The following DCAF1 variants were observed in gnomAD, a reference collection of about 807,000 sequenced individuals.
DCAF1 encodes DDB1 and CUL4 associated factor 1.
Under a neutral mutation model 128.0 loss-of-function variants are expected in DCAF1, and 15 were observed. The observed-to-expected ratio is 0.12, with a 90% CI of 0.08 to 0.18. DCAF1 has a LOEUF of 0.18. Ranked by LOEUF, DCAF1 falls within the 10% of genes least tolerant of loss-of-function variation. The pLI is 1.00. For synonymous variants in DCAF1, 610 were observed against 603.0 expected, an observed-to-expected ratio of 1.01 and a Z score of -0.17; for missense variants, 988 against 1,649.5, an observed-to-expected ratio of 0.60 and a Z score of 6.95.
At chr3:51,504,116 C>A (rs1553664878), upstream of DCAF1, among the ~76,000 whole-genome samples, 1 of 151,370 alleles carries the variant, frequency 6.6e-6, no homozygotes, top group African/African-American at 2.4e-5. Flanking sequence ...CAGCTCACCG[C>A]AAGCTCCGCC....
intron 6 of DCAF1, among the ~76,000 whole-genome samples, chr3:51,445,365 G>GT (rs1328085333): frequency 6.6e-6 from 1 of 152,136 alleles, no homozygotes; most frequent in Non-Finnish European, 1.5e-5. Context: ...TACTCAACAT[G>GT]TTTTTTAGAT....
At position 51,438,510 on chromosome 3, in the gene DCAF1, G is replaced by C. The variant is rs189984676; in HGVS notation, c.1128+2460C>G. 2.2e-4 allele frequency among the ~76,000 whole-genome samples: 33 copies of C among 152,270 alleles called. 1 individual carries two copies. Among genetic ancestry groups the C allele is most frequent in the African/African-American group, 7.0e-4 (29 of 41,558 alleles). On this transcript the variant is annotated intron_variant, in intron 9 of 24. Coordinates refer to ENST00000684031, the MANE Select transcript of DCAF1 (RefSeq NM_001387579.1). ...AAGTGAAGTTGAATTGTAAAGTCTA[G>C]CTAACAATTATTTTCAAAGCAACTG...
At chr3:51,444,913 G>A (rs1298171972) in intron 6 of DCAF1, among the ~76,000 whole-genome samples, 1 of 151,696 alleles carries the variant, frequency 6.6e-6, no homozygotes. Context: ...CTGACCTCGT[G>A]ATCCGCCCCC....
chr3:51,457,562 A>C (rs1164201079), intron 6 of DCAF1, among the ~76,000 whole-genome samples: 2 of 152,184 alleles, frequency 1.3e-5, no homozygotes, highest in Non-Finnish European at 2.9e-5. Context: ...AATACACAGA[A>C]CACCACAAAG....
At chr3:51,469,555 G>A (rs1174619234) in intron 4 of DCAF1, among the ~76,000 whole-genome samples, 2 of 151,780 alleles carry the variant, frequency 1.3e-5, no homozygotes, top group Non-Finnish European at 2.9e-5. Flanking sequence ...TCTCCACAAA[G>A]GACTGCTTCA....
intron 3 of DCAF1, among the ~76,000 whole-genome samples, chr3:51,480,104 TAAAAA>T (rs782106577): frequency 2.1e-5 from 2 of 93,164 alleles, no homozygotes; most frequent in Non-Finnish European, 4.5e-5. Flanking sequence ...ACCCTGTCAC[TAAAAA>T]AAAAAAAAAA....
chr3:51,443,511 A>AC (rs1456683273), intron 7 of DCAF1, among the ~76,000 whole-genome samples: 1 of 150,384 alleles, frequency 6.6e-6, no homozygotes, highest in Non-Finnish European at 1.5e-5. Context: ...AATTGCTTGA[A>AC]CCCGGGAGGC....
At chr3:51,457,892 T>C (rs1703096966) in intron 6 of DCAF1, among the ~76,000 whole-genome samples, 1 of 152,110 alleles carries the variant, frequency 6.6e-6, no homozygotes, top group African/African-American at 2.4e-5. Flanking sequence ...CAGGCCTGCC[T>C]TACAAGAGCT....
Position 51,420,120 on chromosome 3 carries a change from G to T in DCAF1, c.2850C>A (p.Asn950Lys). 6.2e-7 allele frequency: 1 copy of T among 1,614,046 alleles called. No individual in the cohort carries two copies. The highest frequency in any genetic ancestry group is 1.3e-5 in the African/African-American group (1 of 75,050). The change falls in exon 15 of 25, where the codon AAC becomes AAA. Residue 950 changes from asparagine to lysine, a missense_variant. Coordinates refer to ENST00000684031, the MANE Select transcript of DCAF1 (RefSeq NM_001387579.1). This position sits in a 1 kb window ranked among gnomAD's most constrained non-coding sequence, Gnocchi z 6.5. ...AACTGATTCTACCAATCAAAGGGGA[G>T]TTGCCTGCATAAGATGGGCCGGGCA... ...LALPGPSYAG[N>K]SPLIGRISFI... is the part of the protein sequence containing the mutation.
chr3:51,503,994 T>C (rs1708881755), upstream of DCAF1, among the ~76,000 whole-genome samples: 1 of 150,108 alleles, frequency 6.7e-6, no homozygotes, highest in African/African-American at 2.5e-5. Flanking sequence ...GGGGAGAGAG[T>C]CTGTATTGGC....
chr3:51,420,151 A>T lies in DCAF1; in HGVS notation c.2819T>A (p.Leu940Gln). Residue 940 changes from leucine (L) to glutamine (Q), a missense_variant, in exon 15 of 25, where the codon CTA (leucine) becomes CAA (glutamine). This residue lies in a region of DCAF1 where 88 missense variants were observed against 107.7 expected (regional missense o/e 0.82). Transcript: ENST00000684031. This position sits in a 1 kb window ranked among gnomAD's most constrained non-coding sequence, Gnocchi z 6.5. The stretch of plus-strand genomic sequence containing the variant: ...TGCATAAGATGGGCCGGGCAGAGCT[A>T]GCGGACCCTGGGGGGGCCGTGGCTG... ...HPQPRPPQGP[L>Q]ALPGPSYAGN... 6.2e-7 allele frequency: 1 copy of T among 1,613,998 alleles called. No individual in the cohort carries two copies. Among genetic ancestry groups the T allele is most frequent in the Non-Finnish European group, 8.5e-7 (1 of 1,179,892 alleles).
At chr3:51,452,827 C>A (rs564050081) in intron 6 of DCAF1, among the ~76,000 whole-genome samples, 1 of 152,020 alleles carries the variant, frequency 6.6e-6, no homozygotes, top group Admixed American at 6.6e-5. Context: ...GCCTGGCCAA[C>A]GTGGTGAAAC....
chr3:51,491,469 T>C lies in DCAF1; in HGVS notation c.-9+5265A>G, dbSNP rs1237679970. On this transcript the variant is annotated intron_variant, in intron 2 of 24. Transcript: ENST00000684031. ...CAACACAGAGACAAATACAATAGAA[T>C]TGATAATCCAGCAATAAGCACTCAC... Among the ~76,000 whole-genome samples, 6 of 151,994 alleles carry C rather than the reference T, an allele frequency of 3.9e-5. No individual in the cohort carries two copies. In the South Asian group the frequency reaches 6.2e-4, roughly 16 times the overall value.
In DCAF1 at chr3:51,483,680, G is replaced by A. The variant is rs568970856; in HGVS notation, c.110+39C>T. On this transcript the variant is annotated intron_variant, in intron 3 of 24. Coordinates refer to ENST00000684031, the MANE Select transcript of DCAF1 (RefSeq NM_001387579.1). ...ATCTAGCGTATGAGTTGTGTCCGAGGTTTTTTATTAAACTAGGTTTTAAAA... is the reference window on the plus strand; with the variant it reads ...ATCTAGCGTATGAGTTGTGTCCGAGATTTTTTATTAAACTAGGTTTTAAAA... The A allele has an allele frequency of 3.5e-4, 472 of 1,340,926 alleles. 5 individuals carry two copies. In the South Asian group the frequency reaches 4.9e-3, roughly 14 times the overall value. The allele number at this position is 1,340,926 out of a possible 1,614,324, so 83.1% of individuals were successfully genotyped here.
intron 3 of DCAF1, among the ~76,000 whole-genome samples, chr3:51,475,734 G>A (rs1286354655): frequency 2.6e-5 from 4 of 152,158 alleles, no homozygotes; most frequent in East Asian, 3.9e-4. Context: ...GGTGGCAGGC[G>A]CCTGTAGTCC....
intron 3 of DCAF1, 90 bp downstream of exon 3, chr3:51,483,629 G>GTA: frequency 1.2e-6 from 1 of 827,998 alleles, no homozygotes; most frequent in Admixed American, 1.9e-5. Flanking sequence ...GTGTGTGTGT[G>GTA]TGTGTGTGTG....
intron 6 of DCAF1, among the ~76,000 whole-genome samples, chr3:51,447,209 C>T (rs1553640473): frequency 6.6e-6 from 1 of 151,464 alleles, no homozygotes; most frequent in Non-Finnish European, 1.5e-5. Context: ...GAGTTCGAGA[C>T]CAGCCTCCTG....
upstream of DCAF1, among the ~76,000 whole-genome samples, chr3:51,504,387 C>T (rs1229160092): frequency 6.6e-6 from 1 of 150,814 alleles, no homozygotes; most frequent in East Asian, 2.0e-4. Context: ...CTCACTCTGT[C>T]CCCAGGCTGG....
upstream of DCAF1, among the ~76,000 whole-genome samples, chr3:51,500,247 T>C (rs1278842335): frequency 6.6e-6 from 1 of 151,388 alleles, no homozygotes; most frequent in Non-Finnish European, 1.5e-5. Context: ...GCCTGGCGCA[T>C]TGACTTCTGG....
Sources: gnomAD v4.1 joint callset for allele counts (sites outside exome capture counted in the v4.1 genomes callset) on GRCh38, gnomAD v4.1.1 for gene constraint, gnomAD v4.1.1 regional missense constraint, Gnocchi (gnomAD v3.1) non-coding constraint, MANE v1.5 for transcripts, NCBI Gene and HGNC (gene_info 2026-07-23, HGNC 2026-07-21) for gene names.